Variants in LSAMP observed in about 807,000 individuals in gnomAD.
LSAMP encodes the protein limbic system-associated membrane protein.
LSAMP carries 7 observed loss-of-function variants against 38.6 expected under a neutral mutation model. The ratio of observed to expected loss-of-function variants is 0.18; its 90% CI spans 0.10 to 0.34. LSAMP has a LOEUF of 0.34. Ranked by LOEUF, LSAMP falls within the 10% of genes least tolerant of loss-of-function variation. The pLI, the probability that LSAMP is intolerant of heterozygous loss-of-function variation, is 1.00. For synonymous variants in LSAMP, 154 were observed against 166.8 expected (o/e 0.92, Z 0.59); for missense variants, 313 against 420.0 (o/e 0.75, Z 2.23).
At position 116,308,289 on chromosome 3, in the gene LSAMP, C is replaced by A. The variant is rs144834420; in HGVS notation, c.155+136588G>T. On this transcript the variant is annotated intron_variant, in intron 1 of 6. Transcript: ENST00000490035. Reference sequence around the variant, plus strand: ...GTTGTCAGAGCATTTTACAATAAACCCTTTCTCAGCATCTATGCCATAAGA... The same window carrying A: ...GTTGTCAGAGCATTTTACAATAAACACTTTCTCAGCATCTATGCCATAAGA... 1.5e-3 allele frequency among the ~76,000 whole-genome samples: 225 copies of A among 152,052 alleles called. 1 individual carries two copies. The highest frequency in any genetic ancestry group is 5.2e-3 in the African/African-American group (214 of 41,520).
At chr3:116,000,475 C>T (rs1939958574) in intron 3 of LSAMP, among the ~76,000 whole-genome samples, 2 of 152,144 alleles carry the variant, frequency 1.3e-5, no homozygotes, top group South Asian at 2.1e-4. Flanking sequence ...CGGATGGCCA[C>T]CTCACTGTGT....
intron 1 of LSAMP, among the ~76,000 whole-genome samples, chr3:116,197,130 GACACACACACAC>G (rs10650049): frequency 2.9e-5 from 4 of 136,744 alleles, no homozygotes; most frequent in Admixed American, 7.3e-5. Context: ...ATCCCACTCG[GACACACACACAC>G]ACACACACAC....
intron 1 of LSAMP, among the ~76,000 whole-genome samples, chr3:116,339,141 G>A (rs1199765301): frequency 6.6e-6 from 1 of 151,982 alleles, no homozygotes; most frequent in Non-Finnish European, 1.5e-5. Context: ...AGAGGCCAGG[G>A]AATTTACCAG....
Position 115,871,623 on chromosome 3 carries a change from GAGAC to G in LSAMP, c.515-19010_515-19007del, listed in dbSNP as rs749475599. On this transcript the variant is annotated intron_variant, in intron 3 of 6. Transcript: ENST00000490035. ...TGTGTGTGTGTGTGTGTGTGTAAGA[GAGAC>G]AGACAGAGAGACAAAGAGAGAGAGG... Among the ~76,000 whole-genome samples, 283 of 151,076 alleles carry G rather than the reference GAGAC, an allele frequency of 1.9e-3. 1 individual carries two copies. Among genetic ancestry groups the G allele is most frequent in the Non-Finnish European group, 2.8e-3 (188 of 67,742 alleles).
chr3:116,272,592 T>TTGA (rs1022543264), intron 1 of LSAMP, among the ~76,000 whole-genome samples: 1 of 152,186 alleles, frequency 6.6e-6, no homozygotes, highest in African/African-American at 2.4e-5. Flanking sequence ...TTGAACTACA[T>TTGA]TGATGATTTA....
In LSAMP at chr3:116,079,631, C is replaced by CAA. The variant is rs34038261; in HGVS notation, c.388+6691_388+6692dup. On this transcript the variant is annotated intron_variant, in intron 2 of 6. Coordinates refer to ENST00000490035, the MANE Select transcript of LSAMP (RefSeq NM_002338.5). Reference sequence around the variant, plus strand: ...TGGGCAGCAGAGTGAGACTCTGTCTCAAAAAAAAAAAAAAAAAAAAAGAAT... The same window carrying CAA: ...TGGGCAGCAGAGTGAGACTCTGTCTCAAAAAAAAAAAAAAAAAAAAAAAGAAT... 8.4e-3 allele frequency among the ~76,000 whole-genome samples: 717 copies of CAA among 85,788 alleles called. 9 individuals carry two copies. Among genetic ancestry groups the CAA allele is most frequent in the South Asian group, 0.03 (68 of 2,238 alleles). The allele number at this position is 85,788 out of a possible 152,430, so 56.3% of individuals were successfully genotyped here.
chr3:115,827,694 G>T (rs542805454), intron 6 of LSAMP, among the ~76,000 whole-genome samples: 1 of 152,150 alleles, frequency 6.6e-6, no homozygotes, highest in Non-Finnish European at 1.5e-5. Context: ...GACTTGTAAG[G>T]TCTCTTCCCC....
intron 1 of LSAMP, among the ~76,000 whole-genome samples, chr3:116,179,906 A>T (rs978599102): frequency 6.6e-6 from 1 of 152,084 alleles, no homozygotes; most frequent in African/African-American, 2.4e-5. Context: ...TTGACCTCCT[A>T]GTCTTTTTAG....
intron 3 of LSAMP, among the ~76,000 whole-genome samples, chr3:115,857,208 A>C (rs1935534594): frequency 6.6e-6 from 1 of 152,216 alleles, no homozygotes; most frequent in African/African-American, 2.4e-5. Context: ...GTTTTAAGGC[A>C]TGGAATACAC....
chr3:116,129,690 A>T (rs1214856423), intron 1 of LSAMP, among the ~76,000 whole-genome samples: 1 of 152,216 alleles, frequency 6.6e-6, no homozygotes, highest in Non-Finnish European at 1.5e-5. Flanking sequence ...TCATAGCACA[A>T]ATCAGCTCAT....
intron 3 of LSAMP, among the ~76,000 whole-genome samples, chr3:115,938,596 C>G (rs1937790741): frequency 2.6e-5 from 4 of 152,122 alleles, no homozygotes; most frequent in Admixed American, 2.6e-4. Flanking sequence ...TAGAATTAAT[C>G]CTGAATAACA....
At chr3:115,969,650 T>A (rs1559902076) in intron 3 of LSAMP, among the ~76,000 whole-genome samples, 1 of 152,240 alleles carries the variant, frequency 6.6e-6, no homozygotes. Flanking sequence ...TTGTTTTAAA[T>A]GCTCTCATGT....
chr3:116,372,716 G>A (rs1221462620), intron 1 of LSAMP, among the ~76,000 whole-genome samples: 2 of 150,578 alleles, frequency 1.3e-5, no homozygotes, highest in African/African-American at 2.4e-5. Flanking sequence ...AAAAAAAAAT[G>A]GGCAAAAGAC....
intron 1 of LSAMP, among the ~76,000 whole-genome samples, chr3:116,238,337 C>T (rs771119760): frequency 4.6e-5 from 7 of 152,304 alleles, no homozygotes; most frequent in South Asian, 2.1e-4. Context: ...TCCTGTCTGA[C>T]ATTTTTGAAA....
chr3:115,939,530 C>CTTTCTT (rs1553751054), intron 3 of LSAMP, among the ~76,000 whole-genome samples: 1 of 99,620 alleles, frequency 1.0e-5, no homozygotes. Context: ...TGTTCTCTTT[C>CTTTCTT]TCTTTCTTTC....
At chr3:116,273,926 G>A (rs1480483409) in intron 1 of LSAMP, among the ~76,000 whole-genome samples, 1 of 150,824 alleles carries the variant, frequency 6.6e-6, no homozygotes, top group Non-Finnish European at 1.5e-5. Context: ...TTGACCATAG[G>A]TTAGAAGAAT....
chr3:116,146,866 T>C (rs1057036747), intron 1 of LSAMP, among the ~76,000 whole-genome samples: 2 of 151,868 alleles, frequency 1.3e-5, no homozygotes, highest in Non-Finnish European at 2.9e-5. Context: ...TTTTAAGAAA[T>C]AAAAATGGAA....
chr3:116,429,818 T>A (rs967389127), intron 1 of LSAMP, among the ~76,000 whole-genome samples: 3 of 152,124 alleles, frequency 2.0e-5, no homozygotes, highest in Non-Finnish European at 4.4e-5. Context: ...TGTTTTACTC[T>A]TTGGGGGAGT....
intron 1 of LSAMP, among the ~76,000 whole-genome samples, chr3:116,247,203 G>T (rs761932159): frequency 1.3e-5 from 2 of 152,170 alleles, no homozygotes; most frequent in Non-Finnish European, 2.9e-5. Flanking sequence ...AGTAACCGCT[G>T]CCTGATATTT....
Sources: allele counts gnomAD v4.1 joint callset (sites outside exome capture counted in the v4.1 genomes callset), GRCh38; gene constraint gnomAD v4.1.1; transcripts MANE v1.5; gene names NCBI Gene and HGNC (gene_info 2026-07-23, HGNC 2026-07-21).